Variants in KLHL32 observed in about 807,000 individuals in gnomAD.
The protein encoded by KLHL32 is kelch-like protein 32.
Under a neutral mutation model 64.8 loss-of-function variants are expected in KLHL32, and 35 were observed. The observed-to-expected ratio is 0.54, with a 90% confidence interval of 0.41 to 0.72. KLHL32 has a LOEUF of 0.72. KLHL32 is among the 30% of genes least tolerant of loss of function. KLHL32 has a pLI of 0.00. For missense variants in KLHL32, 589 were observed against 768.5 expected, an observed-to-expected ratio of 0.77 and a Z score of 2.76; for synonymous variants, 259 against 281.0, an observed-to-expected ratio of 0.92 and a Z score of 0.78.
At chr6:97,130,113 C>G (rs1015024830) in intron 8 of KLHL32, among the ~76,000 whole-genome samples, 13 of 152,160 alleles carry the variant, frequency 8.5e-5, no homozygotes, top group African/African-American at 3.1e-4. Context: ...CCTAGCTTAT[C>G]TAGCGGCCTG....
chr6:96,966,864 A>G, intron 1 of KLHL32, 132 bp from the exon 2 acceptor site: 1 of 507,430 alleles, frequency 2.0e-6, no homozygotes, highest in Non-Finnish European at 3.6e-6. Context: ...ATTGTGTCAG[A>G]ACGTTTTATG....
intron 3 of KLHL32, among the ~76,000 whole-genome samples, chr6:96,995,792 G>A (rs945212738): frequency 3.9e-5 from 6 of 152,110 alleles, no homozygotes; most frequent in Non-Finnish European, 5.9e-5. Flanking sequence ...CTGCCACCGC[G>A]TTAAGTTCAT....
intron 4 of KLHL32, among the ~76,000 whole-genome samples, chr6:97,057,515 C>G (rs996673785): frequency 6.6e-6 from 1 of 151,926 alleles, no homozygotes; most frequent in Admixed American, 6.6e-5. Context: ...TGCCACCTGT[C>G]TTCTTTGGTG....
At chr6:97,055,652 A>C (rs1787672408) in intron 4 of KLHL32, among the ~76,000 whole-genome samples, 1 of 151,666 alleles carries the variant, frequency 6.6e-6, no homozygotes, top group South Asian at 2.1e-4. Context: ...ACAAAAATTA[A>C]CCAGGTGTGG....
the KLHL32 span, among the ~76,000 whole-genome samples, chr6:96,904,897 A>G: frequency 6.6e-6 from 1 of 152,170 alleles, no homozygotes; most frequent in Non-Finnish European, 1.5e-5. Flanking sequence ...AACATCATTT[A>G]TCAGTTTGCT....
At chr6:97,098,550 C>G (rs957687338) in intron 6 of KLHL32, among the ~76,000 whole-genome samples, 3 of 151,918 alleles carry the variant, frequency 2.0e-5, no homozygotes, top group African/African-American at 7.3e-5. Context: ...TTCAAAAAAC[C>G]CTATTTGTTT....
chr6:96,961,287 G>A (rs114021876), intron 1 of KLHL32, among the ~76,000 whole-genome samples: 200 of 152,204 alleles, frequency 1.3e-3, no homozygotes, highest in African/African-American at 4.3e-3. Context: ...TAGGAATTTG[G>A]GCAGTAGAAG....
At chr6:97,133,821 T>A (rs1176636914) in intron 10 of KLHL32, among the ~76,000 whole-genome samples, 1 of 152,208 alleles carries the variant, frequency 6.6e-6, no homozygotes, top group South Asian at 2.1e-4. Flanking sequence ...TTAACAAGCT[T>A]GTCTGAATGG....
At chr6:96,937,237 C>A (rs970101846) in intron 1 of KLHL32, among the ~76,000 whole-genome samples, 6 of 152,134 alleles carry the variant, frequency 3.9e-5, no homozygotes, top group African/African-American at 7.2e-5. Flanking sequence ...TATTCGCCAC[C>A]CCCTCTCCAT....
At chr6:97,025,685 C>T (rs1487005580) in intron 3 of KLHL32, among the ~76,000 whole-genome samples, 3 of 152,142 alleles carry the variant, frequency 2.0e-5, no homozygotes, top group Admixed American at 1.3e-4. Flanking sequence ...GAGAGGGAGG[C>T]ACCTGAGTAG....
intron 10 of KLHL32, among the ~76,000 whole-genome samples, chr6:97,133,966 A>G (rs1799712869): frequency 6.6e-6 from 1 of 152,138 alleles, no homozygotes; most frequent in Non-Finnish European, 1.5e-5. Flanking sequence ...GTTTAGTATT[A>G]TGTATCTCTA....
chr6:96,934,291 T>A (rs980505800), intron 1 of KLHL32, among the ~76,000 whole-genome samples: 26 of 152,204 alleles, frequency 1.7e-4, no homozygotes, highest in African/African-American at 6.3e-4. Flanking sequence ...ATTTGTGTAT[T>A]AAGAAACTCC....
chr6:97,069,795 A>C (rs1353671892), intron 5 of KLHL32, among the ~76,000 whole-genome samples: 1 of 152,066 alleles, frequency 6.6e-6, no homozygotes, highest in Non-Finnish European at 1.5e-5. Flanking sequence ...CACTGAATAC[A>C]TTTTTTTGTT....
chr6:97,063,086 T>C (rs980207257), intron 4 of KLHL32, among the ~76,000 whole-genome samples: 2 of 152,178 alleles, frequency 1.3e-5, no homozygotes, highest in African/African-American at 4.8e-5. Context: ...ATAAAAACAG[T>C]GACATGATTT....
In KLHL32 at chr6:97,139,145, AAAG is replaced by A. The variant is rs757793057; in HGVS notation, c.1733_1735del (p.Glu578del). On this transcript the variant is annotated inframe_deletion, in exon 11 of 11. Coordinates refer to ENST00000369261, the MANE Select transcript of KLHL32 (RefSeq NM_052904.4). ...GGTACTGGATGTAAGCAGAGAAGGC[AAAG>A]AAGAAGTATTCTATGGGCCTACACT... 2.6e-5 allele frequency: 42 copies of A among 1,613,928 alleles called. No homozygotes were observed. Among genetic ancestry groups the A allele is most frequent in the Admixed American group, 1.0e-4 (6 of 60,002 alleles).
chr6:97,049,913 A>T (rs968641939), intron 4 of KLHL32, among the ~76,000 whole-genome samples: 5 of 152,202 alleles, frequency 3.3e-5, no homozygotes, highest in African/African-American at 1.2e-4. Context: ...TCTCACAGAG[A>T]ACAGCTGATT....
chr6:96,899,079 T>C, the KLHL32 span, among the ~76,000 whole-genome samples: 1 of 152,196 alleles, frequency 6.6e-6, no homozygotes. Context: ...TCATTAAGTA[T>C]AATGCTTAAT....
intron 3 of KLHL32, among the ~76,000 whole-genome samples, chr6:97,024,639 A>T (rs989196631): frequency 3.9e-5 from 6 of 152,134 alleles, no homozygotes; most frequent in Non-Finnish European, 8.8e-5. Flanking sequence ...TCAGTCATTC[A>T]TTTAATTTTC....
At chr6:96,934,467 T>C (rs1770328906) in intron 1 of KLHL32, among the ~76,000 whole-genome samples, 1 of 151,820 alleles carries the variant, frequency 6.6e-6, no homozygotes. Context: ...AACAAAAAAA[T>C]AGCAAGTTAA....
Sources: allele counts gnomAD v4.1 joint callset (sites outside exome capture counted in the v4.1 genomes callset), GRCh38; gene constraint gnomAD v4.1.1; transcripts MANE v1.5; gene names NCBI Gene and HGNC (gene_info 2026-07-23, HGNC 2026-07-21).